CUX2: variants seen among roughly 807,000 people sequenced by gnomAD.
CUX2 encodes homeobox protein cut-like 2.
Under a neutral mutation model 144.8 loss-of-function variants are expected in CUX2, and 40 were observed. The ratio of observed to expected loss-of-function variants is 0.28; its 90% confidence interval spans 0.21 to 0.36. The LOEUF is 0.36. CUX2 is among the 10% of genes least tolerant of loss of function. The pLI, the probability that CUX2 is intolerant of heterozygous loss-of-function variation, is 1.00. For missense variants in CUX2, 1,615 were observed against 1,994.0 expected (o/e 0.81, Z 3.62); for synonymous variants, 827 against 875.6 (o/e 0.94, Z 0.98).
At chr12:111,088,470 T>C (rs1031601440) in intron 1 of CUX2, among the ~76,000 whole-genome samples, 3 of 152,040 alleles carry the variant, frequency 2.0e-5, no homozygotes, top group East Asian at 3.9e-4. Flanking sequence ...AGTAAAGGAC[T>C]GAAACCACTG....
intron 1 of CUX2, among the ~76,000 whole-genome samples, chr12:111,180,397 G>C (rs1007283469): frequency 2.6e-5 from 4 of 152,124 alleles, no homozygotes; most frequent in Non-Finnish European, 5.9e-5. Context: ...TGAGTCTGCA[G>C]ACCTCCACCG....
Position 111,263,604 on chromosome 12 carries a change from G to A in CUX2, c.223-157G>A, listed in dbSNP as rs974817938. 3.3e-5 allele frequency among the ~76,000 whole-genome samples: 5 copies of A among 151,730 alleles called. No homozygotes were observed. Among genetic ancestry groups the A allele is most frequent in the African/African-American group, 9.7e-5 (4 of 41,166 alleles). On this transcript the variant is annotated intron_variant, in intron 3 of 21. Transcript: ENST00000261726. The surrounding 1 kb of genome is among the most constrained non-coding windows in gnomAD (Gnocchi z 4.0). ...CATTCTATGGCACTCCAGCCTGGGC[G>A]ACAGAGCAAGACTCTCTCTCAAAAA...
chr12:111,092,333 G>A (rs528552215), intron 1 of CUX2, among the ~76,000 whole-genome samples: 77 of 152,334 alleles, frequency 5.1e-4, no homozygotes, highest in African/African-American at 1.8e-3. Flanking sequence ...GGGGCTGTGT[G>A]GTCAGGCAGG....
intron 1 of CUX2, among the ~76,000 whole-genome samples, chr12:111,155,109 C>G (rs1359547663): frequency 6.6e-6 from 1 of 152,156 alleles, no homozygotes; most frequent in Non-Finnish European, 1.5e-5. Flanking sequence ...GTCAGTGGGC[C>G]TGACTTCAAT....
At chr12:111,157,363 C>T (rs1206950213) in intron 1 of CUX2, among the ~76,000 whole-genome samples, 2 of 151,520 alleles carry the variant, frequency 1.3e-5, no homozygotes, top group East Asian at 3.9e-4. Context: ...CCAGCTCATG[C>T]AAAACTCAAG....
chr12:111,295,350 A>C lies in CUX2; in HGVS notation c.578A>C (p.Gln193Pro), dbSNP rs1885916889. ...AEKQKGLQEV[Q>P]ITLAARLGEA... is the part of the protein sequence containing the mutation. The stretch of plus-strand genomic sequence containing the variant: ...CTCCGCAGGGGCCTTCAAGAAGTAC[A>C]GATCACTTTGGCGGCCAGACTGGGG... Residue 193 changes from glutamine to proline, a missense_variant, in exon 7 of 22, where the codon CAG becomes CCG. Physicochemically the swap from Gln to Pro is moderately conservative, Grantham distance 76. Transcript: ENST00000261726. This position sits in a 1 kb window ranked among gnomAD's most constrained non-coding sequence, Gnocchi z 5.0. The C allele has an allele frequency of 6.2e-7, 1 of 1,613,138 alleles. No homozygotes were observed.
At chr12:111,078,974 A>G (rs968115727) in intron 1 of CUX2, among the ~76,000 whole-genome samples, 63 of 152,248 alleles carry the variant, frequency 4.1e-4, no homozygotes, top group Non-Finnish European at 1.0e-4. Context: ...TATAGCCCCA[A>G]GCCTATCCTG....
At chr12:111,194,377 G>A (rs1475242041) in intron 1 of CUX2, among the ~76,000 whole-genome samples, 1 of 152,214 alleles carries the variant, frequency 6.6e-6, no homozygotes, top group East Asian at 1.9e-4. Flanking sequence ...AAACTGGCAG[G>A]CCGGGGTCCA....
rs115238285 is a variant in CUX2, at chr12:111,153,648, G to A, written c.64-60552G>A. Among the ~76,000 whole-genome samples, 176 of 152,306 alleles carry A rather than the reference G, an allele frequency of 1.2e-3. 2 individuals are homozygous for A. Among genetic ancestry groups the A allele is most frequent in the African/African-American group, 4.0e-3 (168 of 41,566 alleles). On this transcript the variant is annotated intron_variant, in intron 1 of 21. Transcript: ENST00000261726. ...CCATCACTGAGCAAAATGTCATTAT[G>A]TGGTACATGACTATACCTGCCCTCT...
At chr12:111,121,260 G>A (rs541992230) in intron 1 of CUX2, among the ~76,000 whole-genome samples, 41 of 151,510 alleles carry the variant, frequency 2.7e-4, no homozygotes, top group African/African-American at 9.4e-4. Context: ...GAGTAGCAGC[G>A]AACTCGGTCA....
At position 111,068,973 on chromosome 12, in the gene CUX2, G is replaced by T. The variant is rs1406707797; in HGVS notation, c.63+34733G>T. 6.6e-6 allele frequency among the ~76,000 whole-genome samples: 1 copy of T among 152,148 alleles called. No homozygotes were observed. The highest frequency in any genetic ancestry group is 2.4e-5 in the African/African-American group (1 of 41,428). On this transcript the variant is annotated intron_variant, in intron 1 of 21. Transcript: ENST00000261726. This position sits in a 1 kb window ranked among gnomAD's most constrained non-coding sequence, Gnocchi z 4.9. ...ATACAAAAAATAGCCGGACTGGGTG[G>T]CCTGTACCTGTAATCTCAGCTACTC... is the stretch of plus-strand genomic sequence containing the variant.
intron 1 of CUX2, among the ~76,000 whole-genome samples, chr12:111,199,585 G>T (rs2136206264): frequency 6.6e-6 from 1 of 152,282 alleles, no homozygotes; most frequent in South Asian, 2.1e-4. Context: ...GTGGAGAGAA[G>T]GTCACGGATC....
At position 111,034,860 on chromosome 12, in the gene CUX2, G is replaced by GGCCGCC. The variant is rs956434405; in HGVS notation, c.63+633_63+638dup. The stretch of plus-strand genomic sequence containing the variant: ...CAGCCCGGACGCGCCGCCACCCGGG[G>GGCCGCC]GCCGCCGCCGCCGCCGCCAGAGCCG... On this transcript the variant is annotated intron_variant, in intron 1 of 21. Transcript: ENST00000261726. This position sits in a 1 kb window ranked among gnomAD's most constrained non-coding sequence, Gnocchi z 4.2. 1.4e-4 allele frequency among the ~76,000 whole-genome samples: 21 copies of GGCCGCC among 148,880 alleles called. No homozygotes were observed. The highest frequency in any genetic ancestry group is 4.1e-4 in the African/African-American group (17 of 41,104).
chr12:111,040,148 A>T (rs1219146254), intron 1 of CUX2, among the ~76,000 whole-genome samples: 2 of 151,386 alleles, frequency 1.3e-5, no homozygotes, highest in African/African-American at 2.4e-5. Context: ...TTAGCTGGAC[A>T]TGGTGGCACC....
At chr12:111,048,414 C>T (rs754305917) in intron 1 of CUX2, among the ~76,000 whole-genome samples, 4 of 152,194 alleles carry the variant, frequency 2.6e-5, no homozygotes, top group Non-Finnish European at 5.9e-5. Context: ...GAGAGATTGC[C>T]ATGGGAACAT....
In CUX2 at chr12:111,295,270, C is replaced by T; in HGVS notation, c.561-63C>T. Reference sequence around the variant, plus strand: ...GGGTAGGAAGCAAGATGGGGCTCGACTCGGGGGCCCCAGGCAAGGCCTGTC... The same window carrying T: ...GGGTAGGAAGCAAGATGGGGCTCGATTCGGGGGCCCCAGGCAAGGCCTGTC... On this transcript the variant is annotated intron_variant, in intron 6 of 21. Coordinates refer to ENST00000261726, the MANE Select transcript of CUX2 (RefSeq NM_015267.4). This position sits in a 1 kb window ranked among gnomAD's most constrained non-coding sequence, Gnocchi z 5.0. 6.6e-7 allele frequency: 1 copy of T among 1,526,320 alleles called. No homozygotes were observed. Among genetic ancestry groups the T allele is most frequent in the Non-Finnish European group, 8.9e-7 (1 of 1,117,678 alleles). The allele number at this position is 1,526,320 out of a possible 1,614,324, so 94.5% of individuals were successfully genotyped here.
chr12:111,190,713 A>AG lies in CUX2; in HGVS notation c.64-23485dup, dbSNP rs1879824837. Reference sequence around the variant, plus strand: ...CGAGGAGCAAAGGCAAAAGAGAGGCAGGTGGGCATCTGCCTCTATGTGTAG... The same window carrying AG: ...CGAGGAGCAAAGGCAAAAGAGAGGCAGGGTGGGCATCTGCCTCTATGTGTAG... On this transcript the variant is annotated intron_variant, in intron 1 of 21. Transcript: ENST00000261726. This position sits in a 1 kb window ranked among gnomAD's most constrained non-coding sequence, Gnocchi z 4.0. Among the ~76,000 whole-genome samples the AG allele has an allele frequency of 6.6e-6, 1 of 152,240 alleles. No homozygotes were observed.
rs747945316 is a variant in CUX2, at chr12:111,347,725, C to T, written c.3861C>T (p.Pro1287=). 7.4e-6 allele frequency: 12 copies of T among 1,613,756 alleles called. No homozygotes were observed. The highest frequency in any genetic ancestry group is 2.2e-5 in the East Asian group (1 of 44,866). Residue 1287 remains proline, a synonymous_variant, in exon 22 of 22, where the codon CCC becomes CCT. Coordinates refer to ENST00000261726, the MANE Select transcript of CUX2 (RefSeq NM_015267.4). ...LQEGPEENST[P]LTTQDKAQVR... ...AGGGCCCTGAGGAGAACAGCACACC[C>T]CTGACCACCCAGGACAAGGCCCAAG...
chr12:111,103,107 A>G (rs1441644156), intron 1 of CUX2, among the ~76,000 whole-genome samples: 2 of 152,120 alleles, frequency 1.3e-5, no homozygotes, highest in African/African-American at 2.4e-5. Context: ...GATGGGGGTG[A>G]AGCTTTTTCT....
Sources: allele counts gnomAD v4.1 joint callset (sites outside exome capture counted in the v4.1 genomes callset), GRCh38; gene constraint gnomAD v4.1.1; non-coding constraint Gnocchi (gnomAD v3.1); transcripts MANE v1.5; gene names NCBI Gene and HGNC (gene_info 2026-07-23, HGNC 2026-07-21).